Variants in DNAJC13 observed in about 807,000 individuals in gnomAD.
The protein encoded by DNAJC13 is DnaJ heat shock protein family (Hsp40) member C13, also known as dnaJ homolog subfamily C member 13.
A neutral mutation model predicts 290.5 loss-of-function variants in DNAJC13; 75 were observed. The observed-to-expected ratio is 0.26, with a 90% CI of 0.21 to 0.31. DNAJC13 has a LOEUF of 0.31. Ranked by LOEUF, DNAJC13 falls within the 10% of genes least tolerant of loss-of-function variation. DNAJC13 has a pLI of 1.00. For missense variants in DNAJC13, 2,260 were observed against 2,674.5 expected, an observed-to-expected ratio of 0.85 and a Z score of 3.42; for synonymous variants, 862 against 892.0, an observed-to-expected ratio of 0.97 and a Z score of 0.60.
Position 132,417,738 on chromosome 3 carries a change from A to T in DNAJC13, c.-36A>T, listed in dbSNP as rs2107633460. ...CGGCGGCGGGAGGAGCTAGGGCTGG[A>T]GCCTCTCCAGCCTCCCGCGAAGGTA... On this transcript the variant is annotated 5_prime_UTR_variant, in exon 1 of 56. Transcript: ENST00000260818. 1 of 152,636 alleles carries T rather than the reference A, an allele frequency of 6.6e-6. No individual in the cohort carries two copies. Among genetic ancestry groups the T allele is most frequent in the Non-Finnish European group, 1.5e-5 (1 of 68,242 alleles). 9.5% of individuals were successfully genotyped at this position (152,636 alleles called of 1,614,324 possible).
intron 45 of DNAJC13, 38 bp downstream of exon 45, chr3:132,513,137 A>T: frequency 1.3e-6 from 2 of 1,498,890 alleles, no homozygotes; most frequent in Non-Finnish European, 1.9e-6. Flanking sequence ...TGCCTTTCCT[A>T]CCACTTACCA....
intron 51 of DNAJC13, among the ~76,000 whole-genome samples, chr3:132,524,517 A>G (rs1936190795): frequency 6.6e-6 from 1 of 152,240 alleles, no homozygotes; most frequent in Non-Finnish European, 1.5e-5. Context: ...TGATGAGTTA[A>G]TACATATATA....
intron 38 of DNAJC13, among the ~76,000 whole-genome samples, chr3:132,500,203 G>A (rs1260410402): frequency 6.6e-6 from 1 of 152,202 alleles, no homozygotes; most frequent in Non-Finnish European, 1.5e-5. Flanking sequence ...ATTTAAGGTT[G>A]TAAGATAGGA....
chr3:132,485,400 A>G (rs930008844), intron 29 of DNAJC13, among the ~76,000 whole-genome samples: 1 of 152,128 alleles, frequency 6.6e-6, no homozygotes, highest in Admixed American at 6.5e-5. Context: ...TTGGCCTCCT[A>G]AAGTGCTGGG....
intron 5 of DNAJC13, among the ~76,000 whole-genome samples, chr3:132,449,496 G>T (rs1450577690): frequency 6.6e-6 from 1 of 152,108 alleles, no homozygotes; most frequent in African/African-American, 2.4e-5. Context: ...TCAGAATCAA[G>T]GTTCTGTATT....
At chr3:132,457,890 C>T (rs916005513) in intron 13 of DNAJC13, 9 of 152,454 alleles carry the variant, frequency 5.9e-5, no homozygotes, top group African/African-American at 2.2e-4. Context: ...TTAGGAGTTG[C>T]AGCTAGAGAT....
intron 1 of DNAJC13, among the ~76,000 whole-genome samples, chr3:132,426,033 A>G (rs1368373818): frequency 6.6e-6 from 1 of 152,154 alleles, no homozygotes; most frequent in Admixed American, 6.5e-5. Flanking sequence ...TCTCATTTTA[A>G]CCATAAATGA....
At position 132,489,031 on chromosome 3, in the gene DNAJC13, G is replaced by T. The variant is rs369638634; in HGVS notation, c.3468+10G>T. 6.2e-6 allele frequency: 10 copies of T among 1,609,084 alleles called. No individual in the cohort carries two copies. In the African/African-American group the frequency reaches 1.2e-4, roughly 19 times the overall value. ...TTTCAAGTCAGAAGAGGTAAGCCAG[G>T]TTAATCCTCTGAATACTTAACCCTG... is the stretch of plus-strand genomic sequence containing the variant. On this transcript the variant is annotated intron_variant, in intron 31 of 55. Coordinates refer to ENST00000260818, the MANE Select transcript of DNAJC13 (RefSeq NM_015268.4).
At chr3:132,525,320 A>G (rs1936221691) in intron 51 of DNAJC13, among the ~76,000 whole-genome samples, 1 of 152,212 alleles carries the variant, frequency 6.6e-6, no homozygotes, top group East Asian at 1.9e-4. Flanking sequence ...AGCCTGGGCA[A>G]CAAGAGCGAA....
In DNAJC13 at chr3:132,494,243, C is replaced by T. The variant is rs1243471602; in HGVS notation, c.3925C>T (p.Pro1309Ser). ...IDDAYEVLNL[P>S]QGQGPHDESK... ...TGATGCTTATGAAGTGCTTAATCTG[C>T]CTCAAGGACAGGGACCGTGAGTTGT... The change falls in exon 34 of 56, where the codon CCT becomes TCT. Residue 1309 changes from proline (P) to serine (S), a missense_variant. Pro to Ser is a moderately conservative substitution (Grantham distance 74). This residue lies in a region of DNAJC13 where 1,494 missense variants were observed against 1,693.7 expected (regional missense o/e 0.88). Transcript: ENST00000260818. The T allele has an allele frequency of 1.9e-6, 3 of 1,612,512 alleles. No individual in the cohort carries two copies. Among genetic ancestry groups the T allele is most frequent in the Non-Finnish European group, 2.5e-6 (3 of 1,179,146 alleles).
At chr3:132,495,650 A>G (rs1168520802) in intron 35 of DNAJC13, among the ~76,000 whole-genome samples, 1 of 152,174 alleles carries the variant, frequency 6.6e-6, no homozygotes, top group Non-Finnish European at 1.5e-5. Flanking sequence ...TGTTTCATAA[A>G]CGATGAAATC....
At chr3:132,495,320 C>G (rs566384119) in intron 35 of DNAJC13, among the ~76,000 whole-genome samples, 154 bp downstream of exon 35, 34 of 152,168 alleles carry the variant, frequency 2.2e-4, no homozygotes, top group Non-Finnish European at 4.1e-4. Flanking sequence ...CCCATAGTTT[C>G]TGCATGGATG....
At chr3:132,432,667 A>C (rs905442537) in intron 1 of DNAJC13, among the ~76,000 whole-genome samples, 1 of 152,254 alleles carries the variant, frequency 6.6e-6, no homozygotes, top group Non-Finnish European at 1.5e-5. Context: ...CCAACAATTT[A>C]TCCTGTAAAA....
At position 132,477,860 on chromosome 3, in the gene DNAJC13, T is replaced by C. The variant is rs1576486100; in HGVS notation, c.2517T>C (p.Asp839=). ...ACCTGAGATTACTATTGGAGGAAGA[T>C]GAGAATGAAGAAAGTGGATCAATTA... ...DYYLRLLLEE[D]ENEESGSIKR... Residue 839 remains aspartate (D), a synonymous_variant, in exon 23 of 56, where the codon GAT becomes GAC. Transcript: ENST00000260818. 1 of 1,613,454 alleles carries C rather than the reference T, an allele frequency of 6.2e-7. No individual in the cohort carries two copies. Among genetic ancestry groups the C allele is most frequent in the Non-Finnish European group, 8.5e-7 (1 of 1,179,672 alleles).
At chr3:132,516,174 G>C (rs1362032241) in intron 46 of DNAJC13, among the ~76,000 whole-genome samples, 1 of 152,170 alleles carries the variant, frequency 6.6e-6, no homozygotes, top group Admixed American at 6.6e-5. Flanking sequence ...TATGGACTTT[G>C]GAGGCAGACC....
At chr3:132,520,454 T>A (rs1358706491) in intron 48 of DNAJC13, among the ~76,000 whole-genome samples, 1 of 152,210 alleles carries the variant, frequency 6.6e-6, no homozygotes, top group East Asian at 1.9e-4. Context: ...AATAAACTTA[T>A]GTAGTTCTTA....
At chr3:132,455,928 C>G (rs1933583263) in intron 9 of DNAJC13, among the ~76,000 whole-genome samples, 1 of 152,104 alleles carries the variant, frequency 6.6e-6, no homozygotes, top group African/African-American at 2.4e-5. Context: ...AATTATCAAA[C>G]TGTACGTTTT....
At chr3:132,478,522 A>G (rs1457647820) in intron 24 of DNAJC13, among the ~76,000 whole-genome samples, 1 of 152,242 alleles carries the variant, frequency 6.6e-6, no homozygotes, top group Non-Finnish European at 1.5e-5. Flanking sequence ...AAGTGTGAAG[A>G]TAGTAAAAAC....
chr3:132,482,461 A>C, intron 27 of DNAJC13, 131 bp downstream of exon 27: 1 of 610,632 alleles, frequency 1.6e-6, no homozygotes, highest in Non-Finnish European at 2.8e-6. Flanking sequence ...AGGGCCCTGC[A>C]ACTCAGTTTC....
Sources: gnomAD v4.1 joint callset for allele counts (sites outside exome capture counted in the v4.1 genomes callset) on GRCh38, gnomAD v4.1.1 for gene constraint, gnomAD v4.1.1 regional missense constraint, MANE v1.5 for transcripts, NCBI Gene and HGNC (gene_info 2026-07-23, HGNC 2026-07-21) for gene names.